Variants in METTL8 observed in about 807,000 individuals in gnomAD.
METTL8 encodes the protein methyltransferase 8, tRNA N3-cytidine.
METTL8 carries 32 observed loss-of-function variants against 48.7 expected under a neutral mutation model. The ratio of observed to expected loss-of-function variants is 0.66; its 90% CI spans 0.50 to 0.88. The LOEUF (loss-of-function observed/expected upper bound fraction) is 0.88, where lower values mean the gene tolerates loss of function less well. Ranked by LOEUF, METTL8 falls within the 40% of genes least tolerant of loss-of-function variation. METTL8 has a pLI of 0.00. For synonymous variants in METTL8, 136 were observed against 157.1 expected (o/e 0.87, Z 1.01); for missense variants, 464 against 474.4 (o/e 0.98, Z 0.20).
intron 1 of METTL8, among the ~76,000 whole-genome samples, chr2:171,431,827 A>G (rs2111718): frequency 0.13 from 19,464 of 148,840 alleles, 1,591 homozygotes; most frequent in Middle Eastern, 0.22. Flanking sequence ...GGGCAGATCT[A>G]AAAGAGCTGT....
chr2:171,343,011 T>TA (rs576481307), intron 3 of METTL8, among the ~76,000 whole-genome samples: 33 of 149,260 alleles, frequency 2.2e-4, no homozygotes, highest in African/African-American at 4.9e-4. Context: ...TGTCTCTACT[T>TA]AAAAAAAAAA....
intron 2 of METTL8, among the ~76,000 whole-genome samples, chr2:171,390,410 G>C (rs1057266406): frequency 6.6e-6 from 1 of 152,206 alleles, no homozygotes; most frequent in Non-Finnish European, 1.5e-5. Flanking sequence ...ATTTCGTAAA[G>C]CTATAGCTGC....
intron 3 of METTL8, among the ~76,000 whole-genome samples, chr2:171,345,627 G>T (rs542804716): frequency 6.6e-6 from 1 of 152,034 alleles, no homozygotes; most frequent in Non-Finnish European, 1.5e-5. Context: ...TTTTCACATA[G>T]AACATTTTCT....
intron 1 of METTL8, among the ~76,000 whole-genome samples, chr2:171,394,356 C>A (rs945484366): frequency 1.3e-5 from 2 of 151,414 alleles, no homozygotes; most frequent in African/African-American, 4.9e-5. Flanking sequence ...TAAATAATCA[C>A]GTGATACTTA....
intron 2 of METTL8, among the ~76,000 whole-genome samples, chr2:171,382,601 G>A (rs1687663797): frequency 1.3e-5 from 2 of 152,064 alleles, no homozygotes; most frequent in Admixed American, 1.3e-4. Context: ...AATCCCTAAT[G>A]CATGCAACGC....
chr2:171,356,952 A>ATGTTTTTTTGTTTTTTTTT, intron 3 of METTL8, among the ~76,000 whole-genome samples: 1 of 78,468 alleles, frequency 1.3e-5, no homozygotes, highest in African/African-American at 4.5e-5. Context: ...CAAAGACAAT[A>ATGTTTTTTTGTTTTTTTTT]TTTTTTTTTT....
chr2:171,351,931 T>G (rs1683975400), intron 3 of METTL8, among the ~76,000 whole-genome samples: 1 of 152,204 alleles, frequency 6.6e-6, no homozygotes, highest in Non-Finnish European at 1.5e-5. Flanking sequence ...TGACTTTCTC[T>G]TTTCCTAATT....
chr2:171,369,953 C>T (rs1686138454), intron 2 of METTL8, among the ~76,000 whole-genome samples: 1 of 151,788 alleles, frequency 6.6e-6, no homozygotes, highest in South Asian at 2.1e-4. Context: ...ATAATCCCAG[C>T]TACTCGGAAG....
intron 1 of METTL8, among the ~76,000 whole-genome samples, chr2:171,392,778 G>A (rs1272705508): frequency 6.6e-6 from 1 of 151,974 alleles, no homozygotes; most frequent in Non-Finnish European, 1.5e-5. Flanking sequence ...CAGTAATATG[G>A]ATGCAAAATA....
chr2:171,427,822 G>A (rs910258035), intron 1 of METTL8, among the ~76,000 whole-genome samples: 1 of 152,076 alleles, frequency 6.6e-6, no homozygotes, highest in Admixed American at 6.6e-5. Flanking sequence ...TAGGGACCCT[G>A]TCTATCCTGT....
chr2:171,363,045 G>C (rs1685325060), intron 2 of METTL8, among the ~76,000 whole-genome samples: 1 of 152,152 alleles, frequency 6.6e-6, no homozygotes, highest in South Asian at 2.1e-4. Context: ...GACAGTAAGA[G>C]TATATGTGGT....
At chr2:171,339,984 G>A (rs1452069245) in intron 3 of METTL8, among the ~76,000 whole-genome samples, 6 of 151,996 alleles carry the variant, frequency 3.9e-5, no homozygotes, top group Non-Finnish European at 8.8e-5. Flanking sequence ...GGATCACGAG[G>A]TCAGGAGTTC....
At chr2:171,334,358 T>C (rs1292578624) in intron 5 of METTL8, among the ~76,000 whole-genome samples, 1 of 152,166 alleles carries the variant, frequency 6.6e-6, no homozygotes, top group Non-Finnish European at 1.5e-5. Context: ...ACCCAGTGAC[T>C]TTCCAGAACC....
At chr2:171,342,628 C>A (rs749836923) in intron 3 of METTL8, among the ~76,000 whole-genome samples, 10 of 149,716 alleles carry the variant, frequency 6.7e-5, no homozygotes, top group Non-Finnish European at 1.3e-4. Context: ...AAAAAAAAAA[C>A]TCTCTTTGTA....
At chr2:171,350,349 A>T (rs1372236919) in intron 3 of METTL8, among the ~76,000 whole-genome samples, 1 of 152,160 alleles carries the variant, frequency 6.6e-6, no homozygotes, top group Non-Finnish European at 1.5e-5. Flanking sequence ...CATTTTCTTC[A>T]TCCAGTCTAT....
chr2:171,404,103 T>A (rs1286451301), intron 1 of METTL8, among the ~76,000 whole-genome samples: 2 of 64,518 alleles, frequency 3.1e-5, no homozygotes, highest in Non-Finnish European at 6.5e-5. Flanking sequence ...ATATATATGA[T>A]AGTTTAACTT....
At chr2:171,380,078 G>A (rs546393526) in intron 2 of METTL8, among the ~76,000 whole-genome samples, 1 of 152,320 alleles carries the variant, frequency 6.6e-6, no homozygotes, top group Non-Finnish European at 1.5e-5. Context: ...TCCCTGTGAT[G>A]CAAGGCTGGT....
At chr2:171,331,981 A>G in intron 5 of METTL8, 114 bp from the exon 6 acceptor site, 1 of 683,874 alleles carries the variant, frequency 1.5e-6, no homozygotes, top group Non-Finnish European at 2.5e-6. Context: ...GAGCTCCTGG[A>G]CTCTAGCGAT....
At chr2:171,391,145 C>G (rs1688544232) in intron 2 of METTL8, among the ~76,000 whole-genome samples, 1 of 152,200 alleles carries the variant, frequency 6.6e-6, no homozygotes, top group Admixed American at 6.5e-5. Context: ...GAGGTAAGAC[C>G]CTCTGCCAAC....
Sources: gnomAD v4.1 joint callset for allele counts (sites outside exome capture counted in the v4.1 genomes callset) on GRCh38, gnomAD v4.1.1 for gene constraint, MANE v1.5 for transcripts, NCBI Gene and HGNC (gene_info 2026-07-23, HGNC 2026-07-21) for gene names.